The following RANBP6 variants were observed in gnomAD, a reference collection of about 807,000 sequenced individuals.
RANBP6 encodes the protein ran-binding protein 6.
In RANBP6, 10 loss-of-function variants were observed where a neutral mutation model predicts 35.3. The observed-to-expected ratio is 0.28, with a 90% CI of 0.17 to 0.48. RANBP6 has a LOEUF of 0.48. RANBP6 is among the 20% of genes least tolerant of loss of function. The pLI is 0.99. For synonymous variants in RANBP6, 514 were observed against 464.2 expected (o/e 1.11, Z -1.38); for missense variants, 1,392 against 1,307.7 (o/e 1.06, Z -0.99).
In RANBP6 at chr9:6,013,318, C is replaced by G. The variant is rs371836928; in HGVS notation, c.2290G>C (p.Ala764Pro). 1 of 1,613,972 alleles carries G rather than the reference C, an allele frequency of 6.2e-7. No homozygotes were observed. Among genetic ancestry groups the G allele is most frequent in the African/African-American group, 1.3e-5 (1 of 74,906 alleles). The change falls in exon 1 of 1, where the codon GCT becomes CCT. Residue 764 changes from alanine to proline, a missense_variant. Coordinates refer to ENST00000259569, the MANE Select transcript of RANBP6 (RefSeq NM_012416.4). ...WQFICDPLIKAIGTEPDTDVL... is the reference protein window; with the variant it reads ...WQFICDPLIKPIGTEPDTDVL... ...TCTGTATCTGGTTCAGTACCAATAG[C>G]CTTGATTAAGGGGTCACATATGAAT...
rs1842495020 is a variant in RANBP6 at position 6,012,662 on chromosome 9, T to A, written c.2946A>T (p.Ser982=). The A allele has an allele frequency of 6.2e-7, 1 of 1,613,510 alleles. No individual in the cohort carries two copies. Among genetic ancestry groups the A allele is most frequent in the South Asian group, 1.1e-5 (1 of 90,952 alleles). ...TAAACTTCAAAATCTTCCCTATTGC[T>A]GAGATACAGTTCTCTGTAGCAATGA... ...KNVIATENCI[S]AIGKILKFKP... Residue 982 remains serine (S), a synonymous_variant, in exon 1 of 1, where the codon TCA becomes TCT. Coordinates refer to ENST00000259569, the MANE Select transcript of RANBP6 (RefSeq NM_012416.4).
chr9:6,014,961 A>C lies in RANBP6; in HGVS notation c.647T>G (p.Ile216Ser). The change falls in exon 1 of 1, where the codon ATT becomes AGT. Residue 216 changes from isoleucine to serine, a missense_variant. Ile to Ser is a moderately radical substitution (Grantham distance 142). Transcript: ENST00000259569. ...AAFVLANENN[I>S]ALFKDFADLL... ...GTCTGCAAAGTCTTTGAAAAGAGCA[A>C]TATTATTCTCATTAGCAAGTACAAA... 1 of 1,614,238 alleles carries C rather than the reference A, an allele frequency of 6.2e-7. No individual in the cohort carries two copies. Among genetic ancestry groups the C allele is most frequent in the Non-Finnish European group, 8.5e-7 (1 of 1,180,050 alleles).
chr9:6,015,086 C>G lies in RANBP6; in HGVS notation c.522G>C (p.Glu174Asp). The G allele has an allele frequency of 4.3e-6, 7 of 1,614,152 alleles. No individual in the cohort carries two copies. The highest frequency in any genetic ancestry group is 1.6e-4 in the Middle Eastern group (1 of 6,062). ...WHFPGIFGTQ[E>D]RHDLDIIKRL... is the part of the protein sequence containing the mutation. ...GTTTGATGATATCCAAATCATGCCG[C>G]TCTTGGGTCCCAAAAATCCCAGGAA... Residue 174 changes from glutamate to aspartate, a missense_variant, in exon 1 of 1, where the codon GAG becomes GAC. Transcript: ENST00000259569.
At position 6,014,487 on chromosome 9, in the gene RANBP6, A is replaced by G; in HGVS notation, c.1121T>C (p.Met374Thr). The change falls in exon 1 of 1, where the codon ATG (methionine) becomes ACG (threonine). Residue 374 changes from methionine to threonine, a missense_variant. Met to Thr is a moderately conservative substitution (Grantham distance 81, BLOSUM62 -1). Transcript: ENST00000259569. ...ATACTTCCAGTCAGGGCTCTGAAGC[A>G]TCTGCATGATATGCTCCTTGGTCAT... Reference protein sequence around the residue: ...LPMTKEHIMQMLQSPDWKYRH... With the variant: ...LPMTKEHIMQTLQSPDWKYRH... 1 of 1,614,244 alleles carries G rather than the reference A, an allele frequency of 6.2e-7. No individual in the cohort carries two copies. Among genetic ancestry groups the G allele is most frequent in the Non-Finnish European group, 8.5e-7 (1 of 1,180,050 alleles).
chr9:6,012,897 C>A lies in RANBP6; in HGVS notation c.2711G>T (p.Ser904Ile). The A allele has an allele frequency of 6.2e-7, 1 of 1,614,142 alleles. No homozygotes were observed. Among genetic ancestry groups the A allele is most frequent in the Non-Finnish European group, 8.5e-7 (1 of 1,180,016 alleles). Residue 904 changes from serine (S) to isoleucine (I), a missense_variant, in exon 1 of 1, where the codon AGT (serine) becomes ATT (isoleucine). Ser to Ile is a moderately radical substitution (Grantham distance 142). Transcript: ENST00000259569. ...CIFDDIIEHC[S>I]PTSFKYVEYF... is the part of the protein sequence containing the mutation. ...TTCTACATATTTAAATGAAGTTGGA[C>A]TGCAGTGCTCTATGATGTCATCAAA... is the stretch of plus-strand genomic sequence containing the variant.
chr9:6,015,585 C>G lies in RANBP6; in HGVS notation c.23G>C (p.Gly8Ala), dbSNP rs772324078. The G allele has an allele frequency of 6.3e-7, 1 of 1,599,218 alleles. No individual in the cohort carries two copies. The stretch of plus-strand genomic sequence containing the variant: ...CTTTTCTGACACGGTCGCCGGCACC[C>G]CTGCAGACGCGGTTGCCGCCATTGC... MAATASAGVPATVSEKQE... is the reference protein window; with the variant it reads MAATASAAVPATVSEKQE... Residue 8 changes from glycine to alanine, a missense_variant, in exon 1 of 1, where the codon GGG becomes GCG. Gly to Ala is a moderately conservative substitution (Grantham distance 60). Transcript: ENST00000259569.
chr9:6,014,673 G>A lies in RANBP6; in HGVS notation c.935C>T (p.Ala312Val). The A allele has an allele frequency of 6.2e-7, 1 of 1,614,126 alleles. No individual in the cohort carries two copies. The highest frequency in any genetic ancestry group is 1.1e-5 in the South Asian group (1 of 91,084). Reference protein sequence around the residue: ...LKKHTNIIAQAVPHILAMMVD... With the variant: ...LKKHTNIIAQVVPHILAMMVD... ...CATCATTGCTAATATATGAGGAACT[G>A]CCTGTGCAATAATATTTGTATGTTT... is the stretch of plus-strand genomic sequence containing the variant. The change falls in exon 1 of 1, where the codon GCA becomes GTA. Residue 312 changes from alanine (A) to valine (V), a missense_variant. Physicochemically the swap from Ala to Val is moderately conservative, Grantham distance 64 (BLOSUM62 0). Coordinates refer to ENST00000259569, the MANE Select transcript of RANBP6 (RefSeq NM_012416.4).
Position 6,014,371 on chromosome 9 carries a change from A to C in RANBP6, c.1237T>G (p.Leu413Val), listed in dbSNP as rs1458205004. 6 of 1,613,852 alleles carry C rather than the reference A, an allele frequency of 3.7e-6. No individual in the cohort carries two copies. The highest frequency in any genetic ancestry group is 5.1e-6 in the Non-Finnish European group (6 of 1,179,698). Residue 413 changes from leucine to valine, a missense_variant, in exon 1 of 1, where the codon TTG (leucine) becomes GTG (valine). Leu to Val is a conservative substitution (Grantham distance 32, BLOSUM62 1). Coordinates refer to ENST00000259569, the MANE Select transcript of RANBP6 (RefSeq NM_012416.4). Reference protein sequence around the residue: ...SILDETVNSVLLFLQDPHPRV... With the variant: ...SILDETVNSVVLFLQDPHPRV... ...GGATGAGGATCCTGAAGAAAAAGCA[A>C]AACGGAGTTAACTGTTTCATCTAGA...
At position 6,015,314 on chromosome 9, in the gene RANBP6, C is replaced by T. The variant is rs773846395; in HGVS notation, c.294G>A (p.Lys98=). 6.2e-7 allele frequency: 1 copy of T among 1,614,236 alleles called. No homozygotes were observed. Among genetic ancestry groups the T allele is most frequent in the Non-Finnish European group, 8.5e-7 (1 of 1,180,052 alleles). The part of the protein sequence containing the change: ...NLPADVQRDV[K]IELILAVKLE... ...ACTTAACAGCCAGAATCAGTTCAAT[C>T]TTGACATCTCTCTGAACATCAGCAG... The change falls in exon 1 of 1, where the codon AAG becomes AAA. Residue 98 remains lysine (K), a synonymous_variant. Transcript: ENST00000259569.
chr9:6,014,477 G>A lies in RANBP6; in HGVS notation c.1131C>T (p.Ser377=). 1 of 1,614,122 alleles carries A rather than the reference G, an allele frequency of 6.2e-7. No homozygotes were observed. The highest frequency in any genetic ancestry group is 2.2e-5 in the East Asian group (1 of 44,888). ...CAGCATGTCGATACTTCCAGTCAGG[G>A]CTCTGAAGCATCTGCATGATATGCT... ...TKEHIMQMLQ[S]PDWKYRHAGL... is the part of the protein sequence containing the mutation. The change falls in exon 1 of 1, where the codon AGC becomes AGT. Residue 377 remains serine (S), a synonymous_variant. Transcript: ENST00000259569.
Position 6,015,090 on chromosome 9 carries a change from T to G in RANBP6, c.518A>C (p.Gln173Pro). ...GATGATATCCAAATCATGCCGCTCT[T>G]GGGTCCCAAAAATCCCAGGAAAGTG... ...FWHFPGIFGT[Q>P]ERHDLDIIKR... The change falls in exon 1 of 1, where the codon CAA becomes CCA. Residue 173 changes from glutamine (Q) to proline (P), a missense_variant. Physicochemically the swap from Gln to Pro is moderately conservative, Grantham distance 76. Coordinates refer to ENST00000259569, the MANE Select transcript of RANBP6 (RefSeq NM_012416.4). 6.2e-7 allele frequency: 1 copy of G among 1,614,152 alleles called. No individual in the cohort carries two copies. Among genetic ancestry groups the G allele is most frequent in the Non-Finnish European group, 8.5e-7 (1 of 1,180,034 alleles).
Position 6,014,514 on chromosome 9 carries a change from G to T in RANBP6, c.1094C>A (p.Pro365Gln), listed in dbSNP as rs746640376. ...CTGCATGATATGCTCCTTGGTCATT[G>T]GTAAAACAACTTTTCCACCAAGCCC... ...ACGLGGKVVL[P>Q]MTKEHIMQML... Residue 365 changes from proline (P) to glutamine (Q), a missense_variant, in exon 1 of 1, where the codon CCA becomes CAA. Coordinates refer to ENST00000259569, the MANE Select transcript of RANBP6 (RefSeq NM_012416.4). 9.3e-6 allele frequency: 15 copies of T among 1,614,008 alleles called. No homozygotes were observed.
In RANBP6 at chr9:6,014,662, T is replaced by A. The variant is rs760899059; in HGVS notation, c.946A>T (p.Ile316Leu). 6.2e-7 allele frequency: 1 copy of A among 1,614,166 alleles called. No homozygotes were observed. Among genetic ancestry groups the A allele is most frequent in the East Asian group, 2.2e-5 (1 of 44,888 alleles). Reference sequence around the variant, plus strand: ...TGTAGATCAACCATCATTGCTAATATATGAGGAACTGCCTGTGCAATAATA... The same window carrying A: ...TGTAGATCAACCATCATTGCTAATAAATGAGGAACTGCCTGTGCAATAATA... ...TNIIAQAVPHILAMMVDLQDD... is the reference protein window; with the variant it reads ...TNIIAQAVPHLLAMMVDLQDD... The change falls in exon 1 of 1, where the codon ATA becomes TTA. Residue 316 changes from isoleucine (I) to leucine (L), a missense_variant. Physicochemically the swap from Ile to Leu is conservative, Grantham distance 5. Transcript: ENST00000259569.
rs1272060875 is a variant in RANBP6, at chr9:6,012,947, T to C, written c.2661A>G (p.Pro887=). The C allele has an allele frequency of 2.5e-6, 4 of 1,614,086 alleles. No individual in the cohort carries two copies. The African/African-American group carries it at 4.0e-5, about 16-fold the overall frequency. Residue 887 remains proline (P), a synonymous_variant, in exon 1 of 1, where the codon CCA becomes CCG. Coordinates refer to ENST00000259569, the MANE Select transcript of RANBP6 (RefSeq NM_012416.4). ...VNLICSSRPW[P]DRQWGLCIFD... is the part of the protein sequence containing the mutation. Reference sequence around the variant, plus strand: ...ATATGCACAATCCCCACTGTCTGTCTGGCCATGGCCTACTTGAACAAATTA... The same window carrying C: ...ATATGCACAATCCCCACTGTCTGTCCGGCCATGGCCTACTTGAACAAATTA...
rs753345743 is a variant in RANBP6 at position 6,014,786 on chromosome 9, A to G, written c.822T>C (p.Cys274=). The G allele has an allele frequency of 6.2e-6, 10 of 1,614,088 alleles. No homozygotes were observed. The East Asian group carries it at 2.0e-4, about 32-fold the overall frequency. The change falls in exon 1 of 1, where the codon TGT becomes TGC. Residue 274 remains cysteine (C), a synonymous_variant. Coordinates refer to ENST00000259569, the MANE Select transcript of RANBP6 (RefSeq NM_012416.4). ...GCAGATTACTAAGCCTAGAGTCTCC[A>G]CATAACTTCAAACTCAACTGTAGAG... is the stretch of plus-strand genomic sequence containing the variant. ...EDTLQLSLKL[C]GDSRLSNLQR...
Position 6,014,557 on chromosome 9 carries a change from G to A in RANBP6, c.1051C>T (p.Leu351=). The A allele has an allele frequency of 6.2e-7, 1 of 1,614,168 alleles. No individual in the cohort carries two copies. Among genetic ancestry groups the A allele is most frequent in the South Asian group, 1.1e-5 (1 of 91,088 alleles). ...CCAAGCCCACAAGCCAGTCTGTCTA[G>A]TGCACTCTCCGCAGCAACTGCATTG... ...DSNAVAAESA[L]DRLACGLGGK... The change falls in exon 1 of 1, where the codon CTA becomes TTA. Residue 351 remains leucine (L), a synonymous_variant. Coordinates refer to ENST00000259569, the MANE Select transcript of RANBP6 (RefSeq NM_012416.4).
rs1351619939 is a variant in RANBP6, at chr9:6,013,406, G to A, written c.2202C>T (p.Ser734=). 6.8e-6 allele frequency: 11 copies of A among 1,614,138 alleles called. No individual in the cohort carries two copies. Among genetic ancestry groups the A allele is most frequent in the Non-Finnish European group, 8.5e-6 (10 of 1,180,026 alleles). The part of the protein sequence containing the change: ...HDNVRVAAAE[S]MPFLLECARI... ...TTGCACATTCCAGGAGAAAAGGCATGGACTCTGCTGCTGCCACTCGAACAT... is the reference window on the plus strand; with the variant it reads ...TTGCACATTCCAGGAGAAAAGGCATAGACTCTGCTGCTGCCACTCGAACAT... The change falls in exon 1 of 1, where the codon TCC becomes TCT. Residue 734 remains serine (S), a synonymous_variant. Coordinates refer to ENST00000259569, the MANE Select transcript of RANBP6 (RefSeq NM_012416.4).
Position 6,015,032 on chromosome 9 carries a change from T to C in RANBP6, c.576A>G (p.Gln192=), listed in dbSNP as rs764007491. ...KRLLDQCIQD[Q]EHPAIRTLSA... ...ATAATGTCCTGATTGCTGGATGTTC[T>C]TGATCTTGAATACACTGGTCCAACA... Residue 192 remains glutamine (Q), a synonymous_variant, in exon 1 of 1, where the codon CAA becomes CAG. Coordinates refer to ENST00000259569, the MANE Select transcript of RANBP6 (RefSeq NM_012416.4). The C allele has an allele frequency of 6.2e-6, 10 of 1,614,100 alleles. No individual in the cohort carries two copies. In the East Asian group the frequency reaches 8.9e-5, roughly 14 times the overall value.
Position 6,012,354 on chromosome 9 carries a change from T to G in RANBP6, c.3254A>C (p.Glu1085Ala). ...QVQTSEDLWL[E>A]CVSQLDDEQQ... ...TTCATCATCAAGTTGTGATACACAT[T>G]CCAACCATAAATCTTCAGAAGTCTG... The change falls in exon 1 of 1, where the codon GAA (glutamate) becomes GCA (alanine). Residue 1085 changes from glutamate (E) to alanine (A), a missense_variant. Physicochemically the swap from Glu to Ala is moderately radical, Grantham distance 107. Transcript: ENST00000259569. 6.2e-7 allele frequency: 1 copy of G among 1,609,706 alleles called. No individual in the cohort carries two copies. Among genetic ancestry groups the G allele is most frequent in the African/African-American group, 1.3e-5 (1 of 74,732 alleles).
Sources: gnomAD v4.1 joint callset for allele counts on GRCh38, gnomAD v4.1.1 for gene constraint, MANE v1.5 for transcripts, NCBI Gene and HGNC (gene_info 2026-07-23, HGNC 2026-07-21) for gene names.